Variants in BTRC observed in about 807,000 individuals in gnomAD.
BTRC encodes F-box/WD repeat-containing protein 1A.
BTRC carries 42 observed loss-of-function variants against 85.5 expected under a neutral mutation model. That is an observed-to-expected ratio of 0.49 (90% confidence interval 0.38 to 0.64). The LOEUF (loss-of-function observed/expected upper bound fraction) is 0.64. Among genes scored for constraint, BTRC ranks in the 30% least tolerant of loss-of-function variants. The pLI, the probability that BTRC is intolerant of heterozygous loss-of-function variation, is 0.00. For missense variants in BTRC, 594 were observed against 743.5 expected, an observed-to-expected ratio of 0.80 and a Z score of 2.34; for synonymous variants, 255 against 263.3, an observed-to-expected ratio of 0.97 and a Z score of 0.30.
intron 1 of BTRC, among the ~76,000 whole-genome samples, chr10:101,370,531 T>C (rs1480396124): frequency 6.6e-6 from 1 of 152,118 alleles, no homozygotes. Flanking sequence ...AGTCAAAATG[T>C]AGTCAAGATT....
In BTRC at chr10:101,532,452, A is replaced by G. The variant is rs1286403987; in HGVS notation, c.978+20A>G. 8 of 1,594,196 alleles carry G rather than the reference A, an allele frequency of 5.0e-6. No individual in the cohort carries two copies. In the East Asian group the frequency reaches 1.6e-4, roughly 31 times the overall value. The stretch of plus-strand genomic sequence containing the variant: ...ATCAAGGTGAGGTCTATTCAGTTGT[A>G]GAAAGGTAGCAGAGGGAGCAAGAGT... On this transcript the variant is annotated intron_variant, in intron 8 of 14. Transcript: ENST00000370187.
chr10:101,445,210 A>G (rs1055346615), intron 2 of BTRC, among the ~76,000 whole-genome samples: 1 of 152,154 alleles, frequency 6.6e-6, no homozygotes, highest in Admixed American at 6.5e-5. Context: ...TTCAAGAATA[A>G]TGGTGTTTTA....
intron 13 of BTRC, among the ~76,000 whole-genome samples, chr10:101,542,611 G>A (rs1342355105): frequency 2.6e-5 from 4 of 152,092 alleles, no homozygotes; most frequent in South Asian, 2.1e-4. Flanking sequence ...TCACTATGCC[G>A]CCCAGGCTGG....
At chr10:101,414,414 T>TA (rs896527076) in intron 1 of BTRC, among the ~76,000 whole-genome samples, 2 of 152,164 alleles carry the variant, frequency 1.3e-5, no homozygotes, top group African/African-American at 4.8e-5. Context: ...CTGCTAGTCA[T>TA]AAAAAAGTGT....
chr10:101,454,544 C>T (rs1186101184), intron 2 of BTRC, among the ~76,000 whole-genome samples: 6 of 151,972 alleles, frequency 3.9e-5, no homozygotes, highest in Admixed American at 2.0e-4. Flanking sequence ...CTTTGGGAAA[C>T]GGAGGTGGGA....
At chr10:101,405,051 C>G (rs185002337) in intron 1 of BTRC, among the ~76,000 whole-genome samples, 1 of 151,628 alleles carries the variant, frequency 6.6e-6, no homozygotes, top group East Asian at 1.9e-4. Context: ...TTATATCCAC[C>G]CATGTGCAGC....
intron 1 of BTRC, among the ~76,000 whole-genome samples, chr10:101,404,281 C>T (rs1017646941): frequency 3.4e-5 from 5 of 149,202 alleles, no homozygotes; most frequent in African/African-American, 4.9e-5. Context: ...CCGCCCTCCT[C>T]GGCCTCCCAA....
chr10:101,429,917 A>T (rs913749175), intron 1 of BTRC, among the ~76,000 whole-genome samples: 1 of 149,702 alleles, frequency 6.7e-6, no homozygotes, highest in African/African-American at 2.4e-5. Flanking sequence ...CTAATTTACC[A>T]TTCCTAATAT....
At chr10:101,390,989 A>G (rs1486075490) in intron 1 of BTRC, among the ~76,000 whole-genome samples, 2 of 152,210 alleles carry the variant, frequency 1.3e-5, no homozygotes, top group African/African-American at 4.8e-5. Context: ...TCTTTATCAA[A>G]TTTAGAAATT....
At chr10:101,533,977 A>G (rs2062341500) in intron 9 of BTRC, among the ~76,000 whole-genome samples, 1 of 152,226 alleles carries the variant, frequency 6.6e-6, no homozygotes, top group Admixed American at 6.5e-5. Context: ...ATGATATTCT[A>G]TAAAAGGGGG....
chr10:101,536,927 G>A (rs1459171129), intron 12 of BTRC, among the ~76,000 whole-genome samples: 2 of 152,138 alleles, frequency 1.3e-5, no homozygotes, highest in Non-Finnish European at 2.9e-5. Context: ...GCCCTGTAAA[G>A]CAAAGAACAA....
At chr10:101,420,638 C>A (rs1352312109) in intron 1 of BTRC, among the ~76,000 whole-genome samples, 1 of 152,064 alleles carries the variant, frequency 6.6e-6, no homozygotes, top group Non-Finnish European at 1.5e-5. Context: ...CCCCTCCCAG[C>A]AGATTTTTTC....
At chr10:101,398,227 A>T (rs1943411068) in intron 1 of BTRC, among the ~76,000 whole-genome samples, 1 of 152,250 alleles carries the variant, frequency 6.6e-6, no homozygotes, top group Non-Finnish European at 1.5e-5. Context: ...GAGTTCTGTA[A>T]GACCGGACAC....
intron 1 of BTRC, among the ~76,000 whole-genome samples, chr10:101,373,094 T>A (rs1338696034): frequency 2.0e-5 from 3 of 152,188 alleles, no homozygotes; most frequent in African/African-American, 7.2e-5. Flanking sequence ...TGTTTTTAGG[T>A]GTTATTTAAA....
At chr10:101,382,319 C>A (rs949804432) in intron 1 of BTRC, among the ~76,000 whole-genome samples, 1 of 151,968 alleles carries the variant, frequency 6.6e-6, no homozygotes, top group African/African-American at 2.4e-5. Flanking sequence ...AAAAAAAAAT[C>A]CAGGATCCAA....
At chr10:101,477,051 A>G (rs1589522821) in intron 3 of BTRC, among the ~76,000 whole-genome samples, 1 of 152,292 alleles carries the variant, frequency 6.6e-6, no homozygotes, top group East Asian at 1.9e-4. Context: ...ATCTAGGCTT[A>G]CTGCAGCCTC....
chr10:101,374,014 T>G (rs1942716704), intron 1 of BTRC, among the ~76,000 whole-genome samples: 1 of 151,950 alleles, frequency 6.6e-6, no homozygotes, highest in Admixed American at 6.6e-5. Context: ...GATGATTAGA[T>G]GGAGATTATA....
intron 1 of BTRC, among the ~76,000 whole-genome samples, chr10:101,396,465 C>T (rs370128933): frequency 5.0e-4 from 73 of 144,670 alleles, no homozygotes; most frequent in Non-Finnish European, 8.4e-4. Flanking sequence ...AGGCTGGTCT[C>T]GAGCGAGGTA....
intron 1 of BTRC, among the ~76,000 whole-genome samples, chr10:101,426,014 A>G (rs187883317): frequency 5.1e-4 from 78 of 152,336 alleles, no homozygotes; most frequent in African/African-American, 1.8e-3. Flanking sequence ...TTTGTCAGAA[A>G]CTGACCAATC....
Sources: gnomAD v4.1 joint callset for allele counts (sites outside exome capture counted in the v4.1 genomes callset) on GRCh38, gnomAD v4.1.1 for gene constraint, MANE v1.5 for transcripts, NCBI Gene and HGNC (gene_info 2026-07-23, HGNC 2026-07-21) for gene names.